CNTNAP2: variants seen among roughly 807,000 people sequenced by gnomAD.
The protein encoded by CNTNAP2 is contactin associated protein 2.
Under a neutral mutation model 155.2 loss-of-function variants are expected in CNTNAP2, and 98 were observed. The observed-to-expected ratio is 0.63, with a 90% CI of 0.54 to 0.75. The LOEUF (loss-of-function observed/expected upper bound fraction) is 0.75, where lower values mean the gene tolerates loss of function less well. Ranked by LOEUF, CNTNAP2 falls within the 30% of genes least tolerant of loss-of-function variation. The pLI is 0.00. For synonymous variants in CNTNAP2, 651 were observed against 631.2 expected (o/e 1.03, Z -0.47); for missense variants, 1,727 against 1,688.1 (o/e 1.02, Z -0.40).
intron 1 of CNTNAP2, among the ~76,000 whole-genome samples, chr7:146,480,009 T>C (rs1213285016): frequency 3.3e-5 from 5 of 152,104 alleles, no homozygotes. Flanking sequence ...AGTCTCAAAC[T>C]CCTGACCTTG....
chr7:146,837,176 T>C (rs569448146), intron 2 of CNTNAP2, among the ~76,000 whole-genome samples: 1 of 152,206 alleles, frequency 6.6e-6, no homozygotes, highest in Non-Finnish European at 1.5e-5. Context: ...TCTCTGCTTG[T>C]AGTACTCCAC....
intron 1 of CNTNAP2, among the ~76,000 whole-genome samples, chr7:146,242,133 T>G (rs186564544): frequency 2.2e-4 from 33 of 152,288 alleles, no homozygotes; most frequent in Non-Finnish European, 4.4e-4. Context: ...ACTCATTGTT[T>G]TTGTAAGTAT....
intron 3 of CNTNAP2, among the ~76,000 whole-genome samples, chr7:146,890,527 G>A (rs149511102): frequency 2.1e-3 from 314 of 152,208 alleles, no homozygotes; most frequent in Non-Finnish European, 3.0e-3. Flanking sequence ...TGAAATATTT[G>A]TCTATCAAAC....
intron 16 of CNTNAP2, among the ~76,000 whole-genome samples, chr7:148,125,355 C>T (rs137920036): frequency 1.3e-5 from 2 of 152,148 alleles, no homozygotes; most frequent in African/African-American, 4.8e-5. Context: ...ATTATTTTGT[C>T]ACCCAAGTAA....
chr7:146,587,680 AT>A (rs150142822), intron 1 of CNTNAP2, among the ~76,000 whole-genome samples: 13 of 150,266 alleles, frequency 8.7e-5, no homozygotes, highest in African/African-American at 2.4e-4. Context: ...TTTCTTTTTC[AT>A]TTTTTTTTGA....
At chr7:147,281,928 T>C (rs1013880445) in intron 8 of CNTNAP2, among the ~76,000 whole-genome samples, 1 of 151,776 alleles carries the variant, frequency 6.6e-6, no homozygotes, top group Non-Finnish European at 1.5e-5. Flanking sequence ...TACTGGAGTT[T>C]ACCACCCTCT....
intron 18 of CNTNAP2, among the ~76,000 whole-genome samples, chr7:148,172,843 A>G (rs1433427571): frequency 6.6e-6 from 1 of 152,156 alleles, no homozygotes; most frequent in Non-Finnish European, 1.5e-5. Flanking sequence ...AGATCAATTG[A>G]TCAGTCAATT....
intron 1 of CNTNAP2, among the ~76,000 whole-genome samples, chr7:146,354,103 A>G (rs1794962167): frequency 6.6e-6 from 1 of 152,182 alleles, no homozygotes; most frequent in African/African-American, 2.4e-5. Context: ...TCTGTGCTCC[A>G]CATTTAGATA....
chr7:148,084,427 C>T (rs113452021), intron 15 of CNTNAP2, among the ~76,000 whole-genome samples: 1 of 152,186 alleles, frequency 6.6e-6, no homozygotes, highest in Non-Finnish European at 1.5e-5. Context: ...TGTCACAGGT[C>T]GGAAGCCCAG....
chr7:146,165,963 C>G (rs931801760), intron 1 of CNTNAP2, among the ~76,000 whole-genome samples: 6 of 152,070 alleles, frequency 3.9e-5, no homozygotes, highest in Non-Finnish European at 8.8e-5. Context: ...TTTACAAAAT[C>G]AAAACAATGT....
intron 1 of CNTNAP2, among the ~76,000 whole-genome samples, chr7:146,732,846 G>C (rs1045104789): frequency 1.3e-5 from 2 of 152,042 alleles, no homozygotes; most frequent in Non-Finnish European, 2.9e-5. Flanking sequence ...TGTAGATGCT[G>C]TATTGATAGT....
At chr7:146,956,875 T>G (rs922644224) in intron 3 of CNTNAP2, among the ~76,000 whole-genome samples, 1 of 152,068 alleles carries the variant, frequency 6.6e-6, no homozygotes, top group South Asian at 2.1e-4. Flanking sequence ...ACAGGAACAT[T>G]AAACTTAAGG....
intron 1 of CNTNAP2, among the ~76,000 whole-genome samples, chr7:146,546,740 A>G (rs1798035002): frequency 6.6e-6 from 1 of 151,894 alleles, no homozygotes; most frequent in Non-Finnish European, 1.5e-5. Context: ...GAGCAAAAGC[A>G]CATCTTACAT....
At chr7:147,174,654 A>G (rs1183614118) in intron 8 of CNTNAP2, among the ~76,000 whole-genome samples, 3 of 152,190 alleles carry the variant, frequency 2.0e-5, no homozygotes, top group Non-Finnish European at 2.9e-5. Flanking sequence ...TCTAGAATTT[A>G]GACTCTGGGC....
At chr7:146,862,541 G>A (rs1795124110) in intron 3 of CNTNAP2, among the ~76,000 whole-genome samples, 1 of 152,024 alleles carries the variant, frequency 6.6e-6, no homozygotes. Flanking sequence ...AAAATATTCA[G>A]CCTCCTTCTG....
chr7:147,951,462 T>C (rs1265509125), intron 14 of CNTNAP2, among the ~76,000 whole-genome samples: 1 of 152,222 alleles, frequency 6.6e-6, no homozygotes, highest in African/African-American at 2.4e-5. Flanking sequence ...TCTTAGAATA[T>C]ATGTTCCAAA....
At chr7:147,807,618 G>A (rs1484354079) in intron 13 of CNTNAP2, among the ~76,000 whole-genome samples, 1 of 152,152 alleles carries the variant, frequency 6.6e-6, no homozygotes, top group East Asian at 1.9e-4. Flanking sequence ...ACCTTAAAGT[G>A]ATTATATTTC....
chr7:147,948,854 G>A, intron 14 of CNTNAP2, among the ~76,000 whole-genome samples: 1 of 152,112 alleles, frequency 6.6e-6, no homozygotes, highest in East Asian at 1.9e-4. Flanking sequence ...TGTATGTTAT[G>A]TATATTATAT....
At chr7:147,306,504 T>A (rs1011893840) in intron 9 of CNTNAP2, among the ~76,000 whole-genome samples, 1 of 152,202 alleles carries the variant, frequency 6.6e-6, no homozygotes, top group Non-Finnish European at 1.5e-5. Context: ...GAATTTCATG[T>A]CCATATGCAT....
Sources: gnomAD v4.1 joint callset for allele counts (sites outside exome capture counted in the v4.1 genomes callset) on GRCh38, gnomAD v4.1.1 for gene constraint, MANE v1.5 for transcripts, NCBI Gene and HGNC (gene_info 2026-07-23, HGNC 2026-07-21) for gene names.